The following ATP8A2 variants were observed in gnomAD, a reference collection of about 807,000 sequenced individuals.
ATP8A2 encodes the protein phospholipid-transporting ATPase IB.
Under a neutral mutation model 165.6 loss-of-function variants are expected in ATP8A2, and 100 were observed. The observed-to-expected ratio is 0.60, with a 90% CI of 0.51 to 0.71. The LOEUF is 0.71. ATP8A2 is among the 30% of genes least tolerant of loss of function. ATP8A2 has a pLI of 0.00. For missense variants in ATP8A2, 1,227 were observed against 1,479.5 expected (o/e 0.83, Z 2.80); for synonymous variants, 543 against 548.8 (o/e 0.99, Z 0.15).
At chr13:25,942,625 T>A (rs1178699361) in intron 33 of ATP8A2, among the ~76,000 whole-genome samples, 2 of 152,224 alleles carry the variant, frequency 1.3e-5, no homozygotes, top group African/African-American at 4.8e-5. Flanking sequence ...GGTTTCACCA[T>A]GTTGGCCAGG....
chr13:25,540,220 G>A, intron 7 of ATP8A2, 99 bp from the exon 8 acceptor site: 1 of 854,786 alleles, frequency 1.2e-6, no homozygotes, highest in Non-Finnish European at 2.0e-6. Context: ...ATTTTGAAGG[G>A]CCAATCAGCA....
At chr13:25,959,014 G>A (rs1000798147) in intron 33 of ATP8A2, among the ~76,000 whole-genome samples, 1 of 152,176 alleles carries the variant, frequency 6.6e-6, no homozygotes, top group African/African-American at 2.4e-5. Context: ...AATACACATA[G>A]TGAATGATCC....
intron 25 of ATP8A2, among the ~76,000 whole-genome samples, chr13:25,729,689 C>T (rs1280243350): frequency 2.0e-5 from 3 of 151,840 alleles, no homozygotes; most frequent in African/African-American, 4.8e-5. Flanking sequence ...CTTGTGTTTA[C>T]ACTCCTTTTT....
chr13:25,591,961 C>G (rs2138309626), intron 24 of ATP8A2, among the ~76,000 whole-genome samples: 1 of 151,168 alleles, frequency 6.6e-6, no homozygotes, highest in East Asian at 1.9e-4. Flanking sequence ...AACAGCCATA[C>G]TGTTTTTTTA....
chr13:25,372,294 C>T lies in ATP8A2; in HGVS notation c.76+6C>T. 1 of 1,180,704 alleles carries T rather than the reference C, an allele frequency of 8.5e-7. No homozygotes were observed. Among genetic ancestry groups the T allele is most frequent in the South Asian group, 1.4e-5 (1 of 71,310 alleles). 73.1% of individuals were successfully genotyped at this position (1,180,704 alleles called of 1,614,324 possible). On this transcript the variant is annotated splice_donor_region_variant and intron_variant, in intron 1 of 36. Transcript: ENST00000381655. The surrounding 1 kb of genome is among the most constrained non-coding windows in gnomAD (Gnocchi z 4.8). ...GAGGATCCGCTCGTCCGTGGGTGAGCTGGGAGGGGCGCGGCGAGGGAGGGT... is the reference window on the plus strand; with the variant it reads ...GAGGATCCGCTCGTCCGTGGGTGAGTTGGGAGGGGCGCGGCGAGGGAGGGT...
intron 27 of ATP8A2, among the ~76,000 whole-genome samples, chr13:25,805,660 C>A (rs982988684): frequency 6.6e-6 from 1 of 152,166 alleles, no homozygotes; most frequent in African/African-American, 2.4e-5. Context: ...TATATAGTCT[C>A]CATATGTATT....
intron 1 of ATP8A2, among the ~76,000 whole-genome samples, chr13:25,465,711 C>CCTTCTTTCT (rs2035630257): frequency 4.7e-5 from 1 of 21,380 alleles, no homozygotes; most frequent in Non-Finnish European, 1.0e-4. Context: ...TTCTTTCTTT[C>CCTTCTTTCT]TTTCTTTCTT....
chr13:25,601,565 C>T (rs950876174), intron 24 of ATP8A2, among the ~76,000 whole-genome samples: 4 of 152,146 alleles, frequency 2.6e-5, no homozygotes, highest in South Asian at 4.1e-4. Context: ...CCTGGGTTCA[C>T]GTGATTCTCC....
intron 34 of ATP8A2, 74 bp from the exon 35 acceptor site, chr13:25,968,501 G>C (rs1955834701): frequency 1.5e-6 from 2 of 1,336,564 alleles, no homozygotes; most frequent in Non-Finnish European, 2.1e-6. Context: ...TGGCCTGAGA[G>C]GGGAGCGGCC....
Position 25,435,932 on chromosome 13 carries a change from A to AGT in ATP8A2, c.77-33027_77-33026dup, listed in dbSNP as rs781137300. Among the ~76,000 whole-genome samples, 50 of 75,776 alleles carry AGT rather than the reference A, an allele frequency of 6.6e-4. No homozygotes were observed. In the East Asian group the frequency reaches 0.011, roughly 16 times the overall value. 49.7% of individuals were successfully genotyped at this position (75,776 alleles called of 152,430 possible). ...AGCATCGTGTGTGTGTGTGTGTGTG[A>AGT]GTGTGTGTGTGTGTGTGTGAGTGTG... On this transcript the variant is annotated intron_variant, in intron 1 of 36. Coordinates refer to ENST00000381655, the MANE Select transcript of ATP8A2 (RefSeq NM_016529.6).
At chr13:25,628,734 T>C (rs2041164716) in intron 24 of ATP8A2, among the ~76,000 whole-genome samples, 1 of 151,980 alleles carries the variant, frequency 6.6e-6, no homozygotes, top group South Asian at 2.1e-4. Flanking sequence ...TATATGACTG[T>C]GTACACATTG....
chr13:25,943,841 T>C (rs1955138648), intron 33 of ATP8A2, among the ~76,000 whole-genome samples: 1 of 152,250 alleles, frequency 6.6e-6, no homozygotes, highest in South Asian at 2.1e-4. Context: ...GCTTATTAAC[T>C]GAGCACCAAG....
chr13:25,630,549 T>C (rs897704188), intron 24 of ATP8A2, among the ~76,000 whole-genome samples: 25 of 152,144 alleles, frequency 1.6e-4, no homozygotes, highest in Non-Finnish European at 1.5e-5. Context: ...GCTAACAATA[T>C]TAAGTGGCGG....
chr13:25,382,947 G>A (rs979502547), intron 1 of ATP8A2, among the ~76,000 whole-genome samples: 3 of 151,222 alleles, frequency 2.0e-5, no homozygotes, highest in Non-Finnish European at 2.9e-5. Flanking sequence ...AGTGGAGACG[G>A]GGTTTCATCA....
At chr13:25,892,683 G>C (rs1220763810) in intron 33 of ATP8A2, among the ~76,000 whole-genome samples, 1 of 151,910 alleles carries the variant, frequency 6.6e-6, no homozygotes, top group Non-Finnish European at 1.5e-5. Context: ...GCTCTCCTTT[G>C]TGCCTGGGAG....
intron 24 of ATP8A2, among the ~76,000 whole-genome samples, chr13:25,615,778 C>G (rs898908109): frequency 6.6e-6 from 1 of 152,132 alleles, no homozygotes; most frequent in Non-Finnish European, 1.5e-5. Flanking sequence ...TGCCTCAGCT[C>G]CAGGTAAGGT....
intron 1 of ATP8A2, among the ~76,000 whole-genome samples, chr13:25,418,234 C>T (rs1268458102): frequency 6.6e-6 from 1 of 152,112 alleles, no homozygotes. Flanking sequence ...CCCCACTGTC[C>T]CGTAATAATG....
At chr13:25,651,807 G>A (rs951602879) in intron 24 of ATP8A2, among the ~76,000 whole-genome samples, 4 of 151,706 alleles carry the variant, frequency 2.6e-5, no homozygotes, top group African/African-American at 9.7e-5. Flanking sequence ...TATATTTAAG[G>A]TATTCATTAT....
At chr13:25,433,934 G>T (rs1299411296) in intron 1 of ATP8A2, among the ~76,000 whole-genome samples, 1 of 152,164 alleles carries the variant, frequency 6.6e-6, no homozygotes, top group Non-Finnish European at 1.5e-5. Context: ...GGTACACATG[G>T]ACATAAAGAT....
Sources: gnomAD v4.1 joint callset for allele counts (sites outside exome capture counted in the v4.1 genomes callset) on GRCh38, gnomAD v4.1.1 for gene constraint, Gnocchi (gnomAD v3.1) non-coding constraint, MANE v1.5 for transcripts, NCBI Gene and HGNC (gene_info 2026-07-23, HGNC 2026-07-21) for gene names.